Variants in VEPH1 observed in about 807,000 individuals in gnomAD.
The protein encoded by VEPH1 is ventricular zone expressed PH domain containing 1, also known as ventricular zone-expressed PH domain-containing protein homolog 1.
A neutral mutation model predicts 85.2 loss-of-function variants in VEPH1; 80 were observed. The ratio of observed to expected loss-of-function variants is 0.94; its 90% CI spans 0.78 to 1.13. The LOEUF (loss-of-function observed/expected upper bound fraction) is 1.13. Ranked by LOEUF, VEPH1 falls within the 50% of genes most tolerant of loss-of-function variation. The pLI is 0.00. For synonymous variants in VEPH1, 297 were observed against 348.0 expected (o/e 0.85, Z 1.63); for missense variants, 955 against 980.5 (o/e 0.97, Z 0.35).
chr3:157,490,227 C>T (rs1481074740), intron 2 of VEPH1, among the ~76,000 whole-genome samples: 1 of 151,092 alleles, frequency 6.6e-6, no homozygotes, highest in African/African-American at 2.4e-5. Context: ...TATTAAAGAA[C>T]AGAAAAAAAC....
chr3:157,409,797 C>T (rs2305620), intron 6 of VEPH1: 617,389 of 985,018 alleles, frequency 0.63, 194,765 homozygotes, highest in African/African-American at 0.77. Context: ...ATAAGCCAAT[C>T]AATAACTTGT....
At chr3:157,368,309 T>C (rs773281172) in intron 7 of VEPH1, among the ~76,000 whole-genome samples, 13 of 152,180 alleles carry the variant, frequency 8.5e-5, no homozygotes, top group Non-Finnish European at 1.8e-4. Flanking sequence ...CTTTAGTAGC[T>C]GGAAGCAGCC....
At chr3:157,309,388 C>T (rs956377582) in intron 11 of VEPH1, among the ~76,000 whole-genome samples, 16 of 152,162 alleles carry the variant, frequency 1.1e-4, no homozygotes, top group African/African-American at 3.9e-4. Flanking sequence ...AGTAATAGTG[C>T]TCACTCACTT....
chr3:157,426,448 T>C (rs1262784654), intron 5 of VEPH1, among the ~76,000 whole-genome samples: 2 of 152,170 alleles, frequency 1.3e-5, no homozygotes, highest in South Asian at 2.1e-4. Context: ...GAAATCAAAA[T>C]AGAGAAATTG....
chr3:157,349,059 A>T (rs1724556115), intron 9 of VEPH1, among the ~76,000 whole-genome samples: 1 of 152,234 alleles, frequency 6.6e-6, no homozygotes. Flanking sequence ...AGAAAATAAA[A>T]CTACAAGCCA....
chr3:157,336,581 T>C (rs1269033684), intron 9 of VEPH1, among the ~76,000 whole-genome samples: 1 of 152,238 alleles, frequency 6.6e-6, no homozygotes, highest in African/African-American at 2.4e-5. Context: ...GTATACCTTT[T>C]ATTTCCTTTA....
chr3:157,311,401 A>G lies in VEPH1; in HGVS notation c.2010+2220T>C, dbSNP rs185154685. On this transcript the variant is annotated intron_variant, in intron 11 of 13. Transcript: ENST00000362010. ...AATGTATGTCTATATGGCACCTATT[A>G]TGAAAATAAAGCAGACTTTGCACCA... Among the ~76,000 whole-genome samples, 269 of 152,344 alleles carry G rather than the reference A, an allele frequency of 1.8e-3. 2 individuals carry two copies. The highest frequency in any genetic ancestry group is 0.017 in the Middle Eastern group (5 of 294).
At chr3:157,484,410 T>A (rs1738430512) in intron 2 of VEPH1, among the ~76,000 whole-genome samples, 1 of 152,112 alleles carries the variant, frequency 6.6e-6, no homozygotes, top group South Asian at 2.1e-4. Flanking sequence ...CAAATGATCC[T>A]CTTGCCTCAC....
At chr3:157,385,967 T>TA (rs1206848711) in intron 6 of VEPH1, among the ~76,000 whole-genome samples, 2 of 152,152 alleles carry the variant, frequency 1.3e-5, no homozygotes, top group East Asian at 3.8e-4. Flanking sequence ...TTATATAATA[T>TA]AAAAAACATT....
chr3:157,478,888 G>T (rs1191167614), intron 2 of VEPH1, among the ~76,000 whole-genome samples: 1 of 152,104 alleles, frequency 6.6e-6, no homozygotes, highest in Non-Finnish European at 1.5e-5. Context: ...ACTACAAAGA[G>T]ATTTTTCAAC....
At chr3:157,380,292 G>C (rs1211178908) in intron 7 of VEPH1, among the ~76,000 whole-genome samples, 5 of 152,000 alleles carry the variant, frequency 3.3e-5, no homozygotes, top group Non-Finnish European at 7.4e-5. Context: ...TCTGCACTGG[G>C]GCCAGGGTGA....
At chr3:157,422,455 T>G (rs1437120732) in intron 5 of VEPH1, among the ~76,000 whole-genome samples, 1 of 152,202 alleles carries the variant, frequency 6.6e-6, no homozygotes, top group African/African-American at 2.4e-5. Flanking sequence ...TGGTATGAGC[T>G]CAGTCACTAT....
intron 9 of VEPH1, among the ~76,000 whole-genome samples, chr3:157,343,276 A>C (rs1015133345): frequency 4.6e-5 from 7 of 152,186 alleles, no homozygotes; most frequent in Non-Finnish European, 1.0e-4. Context: ...TTGATAGACC[A>C]CTAGCAAGAC....
intron 6 of VEPH1, among the ~76,000 whole-genome samples, chr3:157,394,579 T>A (rs1480807967): frequency 6.6e-6 from 1 of 152,194 alleles, no homozygotes; most frequent in African/African-American, 2.4e-5. Context: ...GAAGCATAGT[T>A]CTGCAATCTG....
intron 9 of VEPH1, among the ~76,000 whole-genome samples, chr3:157,337,224 C>A (rs1723053624): frequency 6.6e-6 from 1 of 151,026 alleles, no homozygotes; most frequent in Non-Finnish European, 1.5e-5. Context: ...TCAAATATAG[C>A]AGTGCGATAA....
At chr3:157,459,217 C>T (rs1222961706) in intron 4 of VEPH1, among the ~76,000 whole-genome samples, 2 of 152,180 alleles carry the variant, frequency 1.3e-5, no homozygotes, top group Non-Finnish European at 2.9e-5. Context: ...ATTCCTGGGA[C>T]CTGCATGGCA....
At chr3:157,297,694 A>G (rs1296193745) in intron 11 of VEPH1, among the ~76,000 whole-genome samples, 1 of 152,138 alleles carries the variant, frequency 6.6e-6, no homozygotes, top group Non-Finnish European at 1.5e-5. Context: ...GGGATGGCAT[A>G]AGGCAGTTCA....
intron 11 of VEPH1, among the ~76,000 whole-genome samples, chr3:157,293,298 G>T (rs1257243511): frequency 6.6e-6 from 1 of 152,312 alleles, no homozygotes; most frequent in African/African-American, 2.4e-5. Flanking sequence ...CATGTGCTAT[G>T]TCCCATTGGC....
intron 11 of VEPH1, among the ~76,000 whole-genome samples, chr3:157,308,548 A>C (rs1719764824): frequency 6.6e-6 from 1 of 151,930 alleles, no homozygotes; most frequent in African/African-American, 2.4e-5. Flanking sequence ...AGTGTGCTTA[A>C]ATGTTTTGGA....
Sources: gnomAD v4.1 joint callset for allele counts (sites outside exome capture counted in the v4.1 genomes callset) on GRCh38, gnomAD v4.1.1 for gene constraint, MANE v1.5 for transcripts, NCBI Gene and HGNC (gene_info 2026-07-23, HGNC 2026-07-21) for gene names.